SMAD6: variants seen among roughly 807,000 people sequenced by gnomAD.
SMAD6 encodes the protein MAD homolog 6.
In SMAD6, 103 loss-of-function variants were observed where a neutral mutation model predicts 39.4. The observed-to-expected ratio is 2.62, with a 90% CI of 2.23 to 3.08. SMAD6 has a LOEUF of 3.08. Ranked by LOEUF, SMAD6 falls within the 30% of genes most tolerant of loss-of-function variation. The pLI, the probability that SMAD6 is intolerant of heterozygous loss-of-function variation, is 0.00. For missense variants in SMAD6, 1,104 were observed against 742.9 expected (o/e 1.49, Z -5.65); for synonymous variants, 445 against 353.3 (o/e 1.26, Z -2.91).
chr15:66,781,181 G>A lies in SMAD6; in HGVS notation c.1137G>A (p.Ser379=), dbSNP rs1376483272. ...GQLNLEQRSE[S]VRRTRSKIGF... Reference sequence around the variant, plus strand: ...TCAACCTGGAGCAGCGCAGCGAGTCGGTGCGGCGAACGCGCAGCAAGATCG... The same window carrying A: ...TCAACCTGGAGCAGCGCAGCGAGTCAGTGCGGCGAACGCGCAGCAAGATCG... Residue 379 remains serine (S), a synonymous_variant, in exon 4 of 4, where the codon TCG becomes TCA. Transcript: ENST00000288840. 6.2e-6 allele frequency: 10 copies of A among 1,607,580 alleles called. No homozygotes were observed. In the African/African-American group the frequency reaches 9.3e-5, roughly 15 times the overall value.
intron 3 of SMAD6, among the ~76,000 whole-genome samples, chr15:66,723,121 C>T (rs193140880): frequency 2.2e-3 from 330 of 152,238 alleles, no homozygotes; most frequent in African/African-American, 7.7e-3. Context: ...TAGCTTCTCC[C>T]GTCGTTGGCC....
chr15:66,772,854 C>T (rs1455358606), intron 3 of SMAD6, among the ~76,000 whole-genome samples: 1 of 152,222 alleles, frequency 6.6e-6, no homozygotes, highest in Non-Finnish European at 1.5e-5. Context: ...AGCTGTGTCG[C>T]TCATTTCCAC....
rs1056616540 is a variant in SMAD6, at chr15:66,782,226, G to A, written c.*691G>A. 7 of 155,252 alleles carry A rather than the reference G, an allele frequency of 4.5e-5. No individual in the cohort carries two copies. Among genetic ancestry groups the A allele is most frequent in the African/African-American group, 1.8e-4 (2 of 11,332 alleles). 9.6% of individuals were successfully genotyped at this position (155,252 alleles called of 1,614,324 possible). On this transcript the variant is annotated 3_prime_UTR_variant, in exon 4 of 4. Transcript: ENST00000288840. ...TGTCCAGTGGATAGGGATGGCGGTG[G>A]GGAAAAGAATACACTGGCCATTTAT...
chr15:66,743,883 T>A (rs758313264), intron 3 of SMAD6, among the ~76,000 whole-genome samples: 1 of 152,186 alleles, frequency 6.6e-6, no homozygotes, highest in African/African-American at 2.4e-5. Flanking sequence ...TGATGGCTGC[T>A]TAGTATTCCA....
chr15:66,704,281 A>G (rs1451861978), intron 1 of SMAD6: 1 of 390,944 alleles, frequency 2.6e-6, no homozygotes, highest in African/African-American at 2.1e-5. Flanking sequence ...ACTTTATCTC[A>G]AGGCTCCGGT....
intron 3 of SMAD6, among the ~76,000 whole-genome samples, chr15:66,716,845 G>C (rs563617923): frequency 6.6e-6 from 1 of 152,226 alleles, no homozygotes; most frequent in Non-Finnish European, 1.5e-5. Flanking sequence ...GCAGCAAAGT[G>C]GATGTGGTAT....
intron 3 of SMAD6, among the ~76,000 whole-genome samples, chr15:66,756,940 T>TG (rs766745976): frequency 1.3e-5 from 2 of 152,200 alleles, no homozygotes; most frequent in Non-Finnish European, 2.9e-5. Flanking sequence ...ACTCATATGT[T>TG]GGGAGGGAAG....
At position 66,774,459 on chromosome 15, in the gene SMAD6, A is replaced by G. The variant is rs78916657; in HGVS notation, c.953-6538A>G. ...CCATCAGAGGGGCCGATTTCTGTGC[A>G]GGGGAGAAGGCCTATTGTTGGGACC... On this transcript the variant is annotated intron_variant, in intron 3 of 3. Transcript: ENST00000288840. 0.015 allele frequency among the ~76,000 whole-genome samples: 2,298 copies of G among 152,216 alleles called. 115 individuals carry two copies. The East Asian group carries it at 0.18, about 12-fold the overall frequency.
chr15:66,715,030 CTT>C (rs5813400), intron 2 of SMAD6, among the ~76,000 whole-genome samples: 9,252 of 132,142 alleles, frequency 0.07, 350 homozygotes, highest in Non-Finnish European at 0.097. Flanking sequence ...GAGCACTGAG[CTT>C]TTTTTTTTTT....
At chr15:66,768,537 G>A (rs958336398) in intron 3 of SMAD6, among the ~76,000 whole-genome samples, 1 of 152,050 alleles carries the variant, frequency 6.6e-6, no homozygotes, top group Admixed American at 6.6e-5. Context: ...TAGACTTTAG[G>A]TGATTTTATT....
At chr15:66,734,795 T>C (rs1367301822) in intron 3 of SMAD6, among the ~76,000 whole-genome samples, 1 of 152,236 alleles carries the variant, frequency 6.6e-6, no homozygotes, top group South Asian at 2.1e-4. Context: ...TTGTACAACA[T>C]TGTGAATGTA....
At chr15:66,754,496 C>T (rs1333938278) in intron 3 of SMAD6, among the ~76,000 whole-genome samples, 1 of 152,156 alleles carries the variant, frequency 6.6e-6, no homozygotes, top group Non-Finnish European at 1.5e-5. Flanking sequence ...AATGCGTGTG[C>T]CCATTTTATT....
intron 3 of SMAD6, among the ~76,000 whole-genome samples, chr15:66,729,013 C>T (rs374154984): frequency 3.3e-5 from 5 of 152,192 alleles, no homozygotes; most frequent in African/African-American, 9.6e-5. Context: ...AAGACCACAG[C>T]GTTTTAGTCA....
chr15:66,738,011 A>G (rs1182629023), intron 3 of SMAD6, among the ~76,000 whole-genome samples: 1 of 152,204 alleles, frequency 6.6e-6, no homozygotes, highest in East Asian at 1.9e-4. Flanking sequence ...TCTCTGGACT[A>G]TTTTTGAGTG....
intron 3 of SMAD6, among the ~76,000 whole-genome samples, chr15:66,763,860 G>A (rs1012470386): frequency 1.3e-5 from 2 of 152,256 alleles, no homozygotes; most frequent in Admixed American, 6.5e-5. Flanking sequence ...AACGCCCTAG[G>A]CAACGCTGCT....
chr15:66,742,534 A>G (rs1052353827), intron 3 of SMAD6, among the ~76,000 whole-genome samples: 1 of 152,096 alleles, frequency 6.6e-6, no homozygotes, highest in African/African-American at 2.4e-5. Flanking sequence ...GAGACCCTGT[A>G]CAAGATCCTC....
Position 66,703,101 on chromosome 15 carries a change from G to A in SMAD6, c.-158G>A, listed in dbSNP as rs559178685. On this transcript the variant is annotated 5_prime_UTR_variant, in exon 1 of 4. Transcript: ENST00000288840. ...AGCTCCCTCATGTTGTCGCCCTGCG[G>A]CGCCCCTTCGACGACAGGCTGTGCG... is the stretch of plus-strand genomic sequence containing the variant. 3 of 478,534 alleles carry A rather than the reference G, an allele frequency of 6.3e-6. No homozygotes were observed. The South Asian group carries it at 2.3e-4, about 37-fold the overall frequency. 29.6% of individuals were successfully genotyped at this position (478,534 alleles called of 1,614,324 possible).
At chr15:66,730,062 C>G (rs1358213656) in intron 3 of SMAD6, among the ~76,000 whole-genome samples, 1 of 152,222 alleles carries the variant, frequency 6.6e-6, no homozygotes, top group Non-Finnish European at 1.5e-5. Context: ...CCGTCAGACC[C>G]TCTTGCCCAG....
chr15:66,759,266 A>G (rs1894156939), intron 3 of SMAD6, among the ~76,000 whole-genome samples: 2 of 152,246 alleles, frequency 1.3e-5, no homozygotes, highest in Admixed American at 6.5e-5. Context: ...AGAGAATTTG[A>G]TAAATCCCCA....
Sources: allele counts gnomAD v4.1 joint callset (sites outside exome capture counted in the v4.1 genomes callset), GRCh38; gene constraint gnomAD v4.1.1; transcripts MANE v1.5; gene names NCBI Gene and HGNC (gene_info 2026-07-23, HGNC 2026-07-21).